ADAM18: variants seen among roughly 807,000 people sequenced by gnomAD.
ADAM18 encodes the protein disintegrin and metalloproteinase domain-containing protein 18.
A neutral mutation model predicts 94.4 loss-of-function variants in ADAM18; 117 were observed. The observed-to-expected ratio is 1.24, with a 90% CI of 1.07 to 1.45. The LOEUF is 1.45. Among genes scored for constraint, ADAM18 ranks in the 40% most tolerant of loss-of-function variants. The pLI is 0.00. For missense variants in ADAM18, 936 were observed against 880.0 expected, an observed-to-expected ratio of 1.06 and a Z score of -0.81; for synonymous variants, 327 against 291.6, an observed-to-expected ratio of 1.12 and a Z score of -1.24.
At chr8:39,620,755 A>G (rs545174097) in intron 6 of ADAM18, among the ~76,000 whole-genome samples, 3 of 151,740 alleles carry the variant, frequency 2.0e-5, no homozygotes, top group Middle Eastern at 3.5e-3. Flanking sequence ...AAATGAGACA[A>G]GTCAGACACA....
intron 10 of ADAM18, among the ~76,000 whole-genome samples, chr8:39,642,089 C>T (rs1162502888): frequency 6.6e-6 from 1 of 152,042 alleles, no homozygotes; most frequent in African/African-American, 2.4e-5. Context: ...GTGTCCTTTG[C>T]CCAATTTTTA....
chr8:39,717,426 T>G (rs1421568330), intron 18 of ADAM18, among the ~76,000 whole-genome samples: 4 of 151,894 alleles, frequency 2.6e-5, no homozygotes, highest in African/African-American at 7.2e-5. Flanking sequence ...CAACTAGTTT[T>G]ATAATTTTTT....
At chr8:39,652,483 T>C (rs2129579720) in intron 12 of ADAM18, among the ~76,000 whole-genome samples, 1 of 152,128 alleles carries the variant, frequency 6.6e-6, no homozygotes, top group South Asian at 2.1e-4. Context: ...CAAATTAAAA[T>C]CAGAAAGAGA....
Position 39,677,441 on chromosome 8 carries a change from T to G in ADAM18, c.1536T>G (p.Gly512=), listed in dbSNP as rs1488481183. The G allele has an allele frequency of 6.2e-7, 1 of 1,605,270 alleles. No homozygotes were observed. The highest frequency in any genetic ancestry group is 2.2e-5 in the East Asian group (1 of 44,552). ...TGTTTGCATTTTAAGGTGCTCAAGG[T>G]GCTCCATTTGCCTGTTTTAAAGAAG... is the stretch of plus-strand genomic sequence containing the variant. ...CAKIFGKGAQ[G]APFACFKEVN... is the part of the protein sequence containing the mutation. Residue 512 remains glycine, a synonymous_variant, in exon 15 of 20, where the codon GGT becomes GGG. Transcript: ENST00000265707.
chr8:39,617,232 C>A (rs988037402), intron 6 of ADAM18, among the ~76,000 whole-genome samples: 1 of 152,052 alleles, frequency 6.6e-6, no homozygotes, highest in African/African-American at 2.4e-5. Context: ...AGCCAACAAG[C>A]ATATGAAAAA....
At chr8:39,716,408 CATTT>C (rs1188475556) in intron 18 of ADAM18, among the ~76,000 whole-genome samples, 1 of 151,906 alleles carries the variant, frequency 6.6e-6, no homozygotes, top group Non-Finnish European at 1.5e-5. Context: ...TATTCATATT[CATTT>C]GTCTTGAGGT....
At chr8:39,697,560 T>C (rs1327905603) in intron 17 of ADAM18, among the ~76,000 whole-genome samples, 1 of 151,832 alleles carries the variant, frequency 6.6e-6, no homozygotes, top group East Asian at 1.9e-4. Context: ...AGAAACACAA[T>C]AATTATTGTT....
At chr8:39,657,908 GAACAT>G (rs1049177426) in intron 12 of ADAM18, among the ~76,000 whole-genome samples, 2 of 152,066 alleles carry the variant, frequency 1.3e-5, no homozygotes, top group African/African-American at 4.8e-5. Context: ...GTCATAGTAA[GAACAT>G]AACATGTCAG....
chr8:39,602,174 T>C (rs1372914668), intron 2 of ADAM18, among the ~76,000 whole-genome samples: 3 of 152,228 alleles, frequency 2.0e-5, no homozygotes, highest in Non-Finnish European at 1.5e-5. Flanking sequence ...TTGTTTTGGA[T>C]GCATACCCCA....
chr8:39,591,903 G>A (rs1818579499), intron 2 of ADAM18, among the ~76,000 whole-genome samples: 1 of 152,212 alleles, frequency 6.6e-6, no homozygotes, highest in South Asian at 2.1e-4. Flanking sequence ...CTGCAGAATG[G>A]ACGCTGTGTT....
At chr8:39,661,438 T>C (rs940047357) in intron 12 of ADAM18, among the ~76,000 whole-genome samples, 3 of 149,846 alleles carry the variant, frequency 2.0e-5, no homozygotes, top group African/African-American at 7.4e-5. Context: ...CCTCCCAAAG[T>C]GCTGAGATTA....
At chr8:39,702,430 C>G (rs914520816) in intron 17 of ADAM18, among the ~76,000 whole-genome samples, 1 of 152,002 alleles carries the variant, frequency 6.6e-6, no homozygotes, top group Non-Finnish European at 1.5e-5. Flanking sequence ...TTCTCCCATT[C>G]TGTAGGTTGT....
At position 39,609,563 on chromosome 8, in the gene ADAM18, T is replaced by TA. The variant is rs1391829528; in HGVS notation, c.344+4dup. ...ACTCAGTATATGTTCTGGTCTCAGGTAATAGCACCTTATAAGAAATCTATA... is the reference window on the plus strand; with the variant it reads ...ACTCAGTATATGTTCTGGTCTCAGGTAAATAGCACCTTATAAGAAATCTATA... On this transcript the variant is annotated splice_region_variant and intron_variant, in intron 5 of 19. Coordinates refer to ENST00000265707, the MANE Select transcript of ADAM18 (RefSeq NM_014237.3). The TA allele has an allele frequency of 2.7e-5, 43 of 1,596,522 alleles. No homozygotes were observed. The highest frequency in any genetic ancestry group is 3.6e-5 in the Non-Finnish European group (42 of 1,167,610).
At chr8:39,684,873 G>A (rs770675492) in intron 16 of ADAM18, among the ~76,000 whole-genome samples, 6 of 152,090 alleles carry the variant, frequency 3.9e-5, no homozygotes, top group African/African-American at 9.7e-5. Context: ...TGTGTTATCC[G>A]TAGATTCTAG....
chr8:39,668,865 G>T (rs912781938), intron 14 of ADAM18, among the ~76,000 whole-genome samples: 5 of 152,008 alleles, frequency 3.3e-5, no homozygotes, highest in Admixed American at 3.3e-4. Flanking sequence ...TTGCCCAGTG[G>T]TAAGCTCAGG....
chr8:39,616,368 C>T (rs1276363180), intron 6 of ADAM18, among the ~76,000 whole-genome samples: 2 of 152,168 alleles, frequency 1.3e-5, no homozygotes, highest in Admixed American at 1.3e-4. Flanking sequence ...CGAGATGGCA[C>T]TACTGCACTC....
At position 39,663,598 on chromosome 8, in the gene ADAM18, C is replaced by CAAAAAAAAAAAAAAAA. The variant is rs10597769; in HGVS notation, c.1231-183_1231-168dup. On this transcript the variant is annotated intron_variant, in intron 12 of 19. Coordinates refer to ENST00000265707, the MANE Select transcript of ADAM18 (RefSeq NM_014237.3). ...TGGGTGACAGAGTGAAATCCTGTCT[C>CAAAAAAAAAAAAAAAA]AAAAAAAAAAAAAAAAAAAAAAAAA... Among the ~76,000 whole-genome samples, 33 of 19,584 alleles carry CAAAAAAAAAAAAAAAA rather than the reference C, an allele frequency of 1.7e-3. 1 individual carries two copies. The highest frequency in any genetic ancestry group is 4.1e-3 in the East Asian group (2 of 482). The allele number at this position is 19,584 out of a possible 152,430, so 12.8% of individuals were successfully genotyped here.
At chr8:39,684,254 C>T (rs1821548332) in intron 16 of ADAM18, among the ~76,000 whole-genome samples, 2 of 152,044 alleles carry the variant, frequency 1.3e-5, no homozygotes, top group South Asian at 4.2e-4. Context: ...CTATTTATAA[C>T]TTCCAAAATT....
At chr8:39,606,181 T>C in intron 2 of ADAM18, 126 bp from the exon 3 acceptor site, 3 of 581,826 alleles carry the variant, frequency 5.2e-6, no homozygotes, top group Non-Finnish European at 9.0e-6. Flanking sequence ...CTATTTAGAA[T>C]AATAAATTCT....
Sources: allele counts gnomAD v4.1 joint callset (sites outside exome capture counted in the v4.1 genomes callset), GRCh38; gene constraint gnomAD v4.1.1; transcripts MANE v1.5; gene names NCBI Gene and HGNC (gene_info 2026-07-23, HGNC 2026-07-21).